DNAI4: variants seen among roughly 807,000 people sequenced by gnomAD.
DNAI4 encodes the protein WD repeat domain 78.
DNAI4 carries 85 observed loss-of-function variants against 105.8 expected under a neutral mutation model. That is an observed-to-expected ratio of 0.80 (90% confidence interval 0.67 to 0.96). The LOEUF is 0.96. DNAI4 is among the 40% of genes least tolerant of loss of function. The pLI is 0.00. For synonymous variants in DNAI4, 352 were observed against 331.5 expected, an observed-to-expected ratio of 1.06 and a Z score of -0.67; for missense variants, 1,014 against 1,005.6, an observed-to-expected ratio of 1.01 and a Z score of -0.11.
intron 6 of DNAI4, among the ~76,000 whole-genome samples, chr1:66,862,760 T>A (rs541844156): frequency 1.3e-4 from 20 of 152,280 alleles, no homozygotes; most frequent in Admixed American, 5.9e-4. Flanking sequence ...TTCACAATAT[T>A]TTCTGACCAT....
At chr1:66,893,053 A>AAGAAAGAAAGAAAGAAAGAGAG (rs1167732856) in intron 3 of DNAI4, among the ~76,000 whole-genome samples, 176 bp downstream of exon 3, 5 of 66,560 alleles carry the variant, frequency 7.5e-5, no homozygotes, top group African/African-American at 3.0e-4. Flanking sequence ...GAAAGAAAGA[A>AAGAAAGAAAGAAAGAAAGAGAG]AGAGAGAGAG....
intron 1 of DNAI4, 55 bp from the exon 2 acceptor site, chr1:66,905,430 C>T (rs1214828017): frequency 8.2e-7 from 1 of 1,213,010 alleles, no homozygotes; most frequent in Non-Finnish European, 1.1e-6. Context: ...AAAGAAAAAT[C>T]AACCAACAAT....
chr1:66,900,560 G>C (rs1323144966), intron 2 of DNAI4, among the ~76,000 whole-genome samples: 1 of 152,170 alleles, frequency 6.6e-6, no homozygotes, highest in East Asian at 1.9e-4. Context: ...CATTGAATTA[G>C]ATCTTATTTA....
chr1:66,864,914 G>C (rs1646700604), intron 6 of DNAI4, among the ~76,000 whole-genome samples: 1 of 152,242 alleles, frequency 6.6e-6, no homozygotes, highest in Non-Finnish European at 1.5e-5. Context: ...CTAGAAGAAA[G>C]AGGGTTGTGA....
At chr1:66,839,975 T>C (rs1203889542) in intron 9 of DNAI4, among the ~76,000 whole-genome samples, 9 of 152,368 alleles carry the variant, frequency 5.9e-5, no homozygotes, top group Admixed American at 4.6e-4. Flanking sequence ...GCCTGCTATA[T>C]ACTAAGTGCT....
At chr1:66,837,585 CAAAGA>C in intron 10 of DNAI4, 120 bp downstream of exon 10, 1 of 1,171,828 alleles carries the variant, frequency 8.5e-7, no homozygotes, top group Non-Finnish European at 1.2e-6. Flanking sequence ...GAAGTTAAAC[CAAAGA>C]AAATAGTCTT....
intron 4 of DNAI4, among the ~76,000 whole-genome samples, chr1:66,882,439 T>C (rs1283690194): frequency 1.3e-5 from 2 of 152,224 alleles, no homozygotes; most frequent in Non-Finnish European, 2.9e-5. Context: ...TTCTTACTTT[T>C]GCATTTTAAC....
intron 2 of DNAI4, among the ~76,000 whole-genome samples, chr1:66,899,296 T>C (rs1648605254): frequency 6.6e-6 from 1 of 152,218 alleles, no homozygotes; most frequent in Non-Finnish European, 1.5e-5. Flanking sequence ...TCTTAGTGGG[T>C]ATAAAGTGAA....
At chr1:66,895,674 C>T (rs1464895911) in intron 2 of DNAI4, among the ~76,000 whole-genome samples, 1 of 152,104 alleles carries the variant, frequency 6.6e-6, no homozygotes, top group Non-Finnish European at 1.5e-5. Flanking sequence ...ATGATCACTA[C>T]TGTAGGATTT....
chr1:66,909,120 G>A (rs1374761157), intron 1 of DNAI4, among the ~76,000 whole-genome samples: 1 of 151,822 alleles, frequency 6.6e-6, no homozygotes, highest in Non-Finnish European at 1.5e-5. Flanking sequence ...CTCTCTATTG[G>A]ATAATTACCT....
intron 7 of DNAI4, among the ~76,000 whole-genome samples, chr1:66,851,740 C>A (rs1009366131): frequency 6.6e-6 from 1 of 151,674 alleles, no homozygotes; most frequent in African/African-American, 2.4e-5. Context: ...ATAATGAAAA[C>A]AAAACACAAC....
chr1:66,854,304 T>C (rs1646455343), intron 7 of DNAI4, among the ~76,000 whole-genome samples: 1 of 152,060 alleles, frequency 6.6e-6, no homozygotes, highest in Non-Finnish European at 1.5e-5. Flanking sequence ...GGTGGGAGAA[T>C]TGCTTGAGCC....
chr1:66,836,308 GAAAGAA>G (rs1646022018), intron 10 of DNAI4, among the ~76,000 whole-genome samples: 12 of 149,692 alleles, frequency 8.0e-5, no homozygotes, highest in African/African-American at 2.7e-4. Context: ...AAGAAAGAAA[GAAAGAA>G]AGAAAGAAAG....
rs781158675 is a variant in DNAI4, at chr1:66,826,879, G to A, written c.2280C>T (p.Ser760=). The A allele has an allele frequency of 9.9e-6, 16 of 1,614,044 alleles. No homozygotes were observed. The highest frequency in any genetic ancestry group is 1.4e-5 in the Non-Finnish European group (16 of 1,180,000). Residue 760 remains serine (S), a synonymous_variant, in exon 15 of 17, where the codon TCC becomes TCT. Transcript: ENST00000371026. ...VYDVAWSPKS[S]YIFAAANENR... is the part of the protein sequence containing the mutation. ...TCTCATTTGCAGCTGCAAATATATA[G>A]GATGATTTTGGAGACCAGGCAACGT...
intron 7 of DNAI4, among the ~76,000 whole-genome samples, chr1:66,855,612 G>A (rs1425627323): frequency 6.6e-6 from 1 of 152,022 alleles, no homozygotes; most frequent in Admixed American, 6.6e-5. Context: ...AATTATCCGA[G>A]ATAAAGAGGG....
chr1:66,874,368 G>A (rs1234425018), intron 5 of DNAI4, among the ~76,000 whole-genome samples: 1 of 151,964 alleles, frequency 6.6e-6, no homozygotes, highest in Non-Finnish European at 1.5e-5. Flanking sequence ...TTAAATATTA[G>A]GTTGGTGCAA....
At chr1:66,815,813 T>C (rs1645502908) in intron 16 of DNAI4, among the ~76,000 whole-genome samples, 1 of 152,220 alleles carries the variant, frequency 6.6e-6, no homozygotes, top group Admixed American at 6.5e-5. Context: ...AACAGTTAGC[T>C]ACATCATAAA....
intron 7 of DNAI4, among the ~76,000 whole-genome samples, chr1:66,859,080 C>T (rs1451805359): frequency 2.6e-5 from 4 of 152,070 alleles, no homozygotes; most frequent in Non-Finnish European, 5.9e-5. Flanking sequence ...GGAGAAAGTA[C>T]ATACATATAT....
chr1:66,893,391 T>G lies in DNAI4; in HGVS notation c.368A>C (p.Asp123Ala), dbSNP rs1217618358. ...TTQVFDINGT[D>A]VTPRPLYHPD... is the part of the protein sequence containing the mutation. Reference sequence around the variant, plus strand: ...ATGGTAAAGAGGTCGGGGAGTAACATCAGTTCCATTTATGTCAAATACCTG... The same window carrying G: ...ATGGTAAAGAGGTCGGGGAGTAACAGCAGTTCCATTTATGTCAAATACCTG... Residue 123 changes from aspartate to alanine, a missense_variant, in exon 3 of 17, where the codon GAT becomes GCT. Asp to Ala is a moderately radical substitution (Grantham distance 126). Coordinates refer to ENST00000371026, the MANE Select transcript of DNAI4 (RefSeq NM_024763.5). The G allele has an allele frequency of 1.3e-6, 2 of 1,574,914 alleles. No homozygotes were observed. Among genetic ancestry groups the G allele is most frequent in the Non-Finnish European group, 1.7e-6 (2 of 1,162,174 alleles).
Sources: allele counts gnomAD v4.1 joint callset (sites outside exome capture counted in the v4.1 genomes callset), GRCh38; gene constraint gnomAD v4.1.1; transcripts MANE v1.5; gene names NCBI Gene and HGNC (gene_info 2026-07-23, HGNC 2026-07-21).